Variants in SPIDR observed in about 807,000 individuals in gnomAD.
SPIDR encodes the protein scaffold protein involved in DNA repair, also known as DNA repair-scaffolding protein.
A neutral mutation model predicts 104.6 loss-of-function variants in SPIDR; 93 were observed. That is an observed-to-expected ratio of 0.89 (90% CI 0.75 to 1.06). SPIDR has a LOEUF of 1.06. Ranked by LOEUF, SPIDR falls within the 50% of genes least tolerant of loss-of-function variation. The pLI is 0.00. For synonymous variants in SPIDR, 431 were observed against 416.9 expected (o/e 1.03, Z -0.41); for missense variants, 1,154 against 1,111.2 (o/e 1.04, Z -0.55).
chr8:47,572,554 C>T (rs1266284495), intron 8 of SPIDR, among the ~76,000 whole-genome samples: 1 of 151,818 alleles, frequency 6.6e-6, no homozygotes, highest in Non-Finnish European at 1.5e-5. Flanking sequence ...CCCAGCTACT[C>T]GGGAGGCTGA....
intron 5 of SPIDR, among the ~76,000 whole-genome samples, chr8:47,302,318 G>T (rs903646385): frequency 6.6e-6 from 1 of 151,018 alleles, no homozygotes; most frequent in African/African-American, 2.5e-5. Context: ...GGACTTCTCT[G>T]CATTGGTTAT....
intron 15 of SPIDR, 178 bp downstream of exon 15, chr8:47,713,050 C>G: frequency 7.3e-7 from 1 of 1,369,572 alleles, no homozygotes; most frequent in South Asian, 1.9e-5. Flanking sequence ...TAGCAGCCAC[C>G]TGGGCAGAAC....
chr8:47,345,037 C>T (rs1368995604), intron 5 of SPIDR, among the ~76,000 whole-genome samples: 1 of 152,196 alleles, frequency 6.6e-6, no homozygotes, highest in Non-Finnish European at 1.5e-5. Context: ...AGTCCTTGCC[C>T]ATGCCTATGT....
At chr8:47,647,616 A>AAGAGAGAGAGACAG (rs2070679415) in intron 10 of SPIDR, among the ~76,000 whole-genome samples, 1 of 60,456 alleles carries the variant, frequency 1.7e-5, no homozygotes. Flanking sequence ...TCCATCTCGA[A>AAGAGAGAGAGACAG]AGAGAGAGAG....
chr8:47,492,662 T>G (rs1371789339), intron 8 of SPIDR, among the ~76,000 whole-genome samples: 1 of 152,194 alleles, frequency 6.6e-6, no homozygotes, highest in Non-Finnish European at 1.5e-5. Flanking sequence ...CTCAAGCCAT[T>G]TTTGGTCCTC....
chr8:47,731,590 C>T (rs771894347), intron 19 of SPIDR, among the ~76,000 whole-genome samples: 9 of 152,258 alleles, frequency 5.9e-5, no homozygotes, highest in Non-Finnish European at 1.2e-4. Context: ...GTCATCGTTA[C>T]GCCACAGAGT....
chr8:47,405,624 A>G (rs2062642231), intron 6 of SPIDR, among the ~76,000 whole-genome samples: 1 of 152,146 alleles, frequency 6.6e-6, no homozygotes, highest in Admixed American at 6.6e-5. Context: ...CAGTCTGTTA[A>G]TTTTATAGAA....
At chr8:47,417,959 C>G (rs900381976) in intron 7 of SPIDR, among the ~76,000 whole-genome samples, 2 of 152,110 alleles carry the variant, frequency 1.3e-5, no homozygotes, top group African/African-American at 4.8e-5. Flanking sequence ...TTTCCGAGGG[C>G]TCTGTTTTGT....
intron 11 of SPIDR, among the ~76,000 whole-genome samples, chr8:47,686,475 A>G (rs2077841667): frequency 6.6e-6 from 1 of 152,240 alleles, no homozygotes; most frequent in African/African-American, 2.4e-5. Context: ...CTGAAAGTGG[A>G]AAGAAAAGAA....
At chr8:47,418,857 C>T (rs1220749453) in intron 7 of SPIDR, among the ~76,000 whole-genome samples, 1 of 152,156 alleles carries the variant, frequency 6.6e-6, no homozygotes, top group Admixed American at 6.6e-5. Context: ...AAGGGCTTTT[C>T]TACATCTATT....
intron 8 of SPIDR, among the ~76,000 whole-genome samples, chr8:47,512,525 TATAATA>T (rs2082497214): frequency 6.6e-6 from 1 of 152,178 alleles, no homozygotes; most frequent in Non-Finnish European, 1.5e-5. Flanking sequence ...GAGGTTTTAG[TATAATA>T]TGATTTAGTG....
intron 4 of SPIDR, among the ~76,000 whole-genome samples, chr8:47,293,284 A>G (rs2154239826): frequency 6.6e-6 from 1 of 152,238 alleles, no homozygotes; most frequent in African/African-American, 2.4e-5. Flanking sequence ...CTGTGTAAGA[A>G]AGGAGGAAAA....
chr8:47,715,828 C>T (rs1589462295), intron 16 of SPIDR, among the ~76,000 whole-genome samples: 1 of 152,164 alleles, frequency 6.6e-6, no homozygotes, highest in East Asian at 1.9e-4. Flanking sequence ...GTTTGAACGC[C>T]TGTTTTGAAA....
chr8:47,271,808 G>A (rs1451256863), intron 1 of SPIDR, among the ~76,000 whole-genome samples: 1 of 151,630 alleles, frequency 6.6e-6, no homozygotes, highest in Non-Finnish European at 1.5e-5. Flanking sequence ...TATTTTTTGA[G>A]ACAGAGTCTC....
At chr8:47,573,165 G>C (rs953577014) in intron 8 of SPIDR, among the ~76,000 whole-genome samples, 2 of 152,162 alleles carry the variant, frequency 1.3e-5, no homozygotes, top group African/African-American at 4.8e-5. Flanking sequence ...GTGAAGTTAC[G>C]AGTGAAAAGT....
At chr8:47,712,554 T>C (rs1217712736) in intron 14 of SPIDR, 108 bp from the exon 15 acceptor site, 1 of 1,247,230 alleles carries the variant, frequency 8.0e-7, no homozygotes, top group Non-Finnish European at 1.1e-6. Flanking sequence ...TAAAGTGTTT[T>C]TGAAATAATA....
At chr8:47,553,025 T>C (rs2090795472) in intron 8 of SPIDR, among the ~76,000 whole-genome samples, 1 of 152,176 alleles carries the variant, frequency 6.6e-6, no homozygotes, top group African/African-American at 2.4e-5. Flanking sequence ...TTATGAAGCT[T>C]AGTTTGGCTG....
intron 5 of SPIDR, among the ~76,000 whole-genome samples, chr8:47,328,999 T>C (rs1422434276): frequency 6.6e-6 from 1 of 152,044 alleles, no homozygotes; most frequent in Non-Finnish European, 1.5e-5. Flanking sequence ...CTCCACTTCC[T>C]GGGTTCAAGC....
intron 8 of SPIDR, among the ~76,000 whole-genome samples, chr8:47,456,138 A>G (rs781909183): frequency 1.3e-5 from 2 of 152,208 alleles, no homozygotes; most frequent in Non-Finnish European, 2.9e-5. Context: ...CCTGCAATTT[A>G]TATGCTACAG....
Sources: gnomAD v4.1 joint callset for allele counts (sites outside exome capture counted in the v4.1 genomes callset) on GRCh38, gnomAD v4.1.1 for gene constraint, MANE v1.5 for transcripts, NCBI Gene and HGNC (gene_info 2026-07-23, HGNC 2026-07-21) for gene names.